Variants in NCKAP5 observed in about 807,000 individuals in gnomAD.
NCKAP5 encodes NCK associated protein 5.
NCKAP5 carries 92 observed loss-of-function variants against 167.0 expected under a neutral mutation model. That is an observed-to-expected ratio of 0.55 (90% CI 0.47 to 0.66). The LOEUF (loss-of-function observed/expected upper bound fraction) is 0.66. NCKAP5 is among the 30% of genes least tolerant of loss of function. NCKAP5 has a pLI of 0.00. For missense variants in NCKAP5, 2,378 were observed against 2,315.0 expected (o/e 1.03, Z -0.56); for synonymous variants, 891 against 877.4 (o/e 1.02, Z -0.27).
chr2:132,999,855 A>G lies in NCKAP5; in HGVS notation c.342-5616T>C, dbSNP rs1286666456. Among the ~76,000 whole-genome samples the G allele has an allele frequency of 2.0e-5, 3 of 152,332 alleles. No homozygotes were observed. In the East Asian group the frequency reaches 5.8e-4, roughly 29 times the overall value. The stretch of plus-strand genomic sequence containing the variant: ...ACCCCTATATTCAGTTATTTAGTTG[A>G]GACTAACTTCATTTTTGACAGAAAT... On this transcript the variant is annotated intron_variant, in intron 6 of 19. Coordinates refer to ENST00000409261, the MANE Select transcript of NCKAP5 (RefSeq NM_207363.3).
intron 3 of NCKAP5, among the ~76,000 whole-genome samples, chr2:133,417,564 G>A (rs1689199986): frequency 6.6e-6 from 1 of 152,214 alleles, no homozygotes; most frequent in South Asian, 2.1e-4. Context: ...CTAATCCAAG[G>A]GGTTGGGATG....
At chr2:132,907,998 G>T (rs755503782) in intron 8 of NCKAP5, among the ~76,000 whole-genome samples, 7 of 151,976 alleles carry the variant, frequency 4.6e-5, no homozygotes, top group Non-Finnish European at 1.0e-4. Context: ...ACCCAACAGA[G>T]ATTTATTTGG....
chr2:133,279,768 A>C (rs1439676803), intron 4 of NCKAP5, among the ~76,000 whole-genome samples: 1 of 152,236 alleles, frequency 6.6e-6, no homozygotes, highest in African/African-American at 2.4e-5. Context: ...AATGGAATGC[A>C]ACTAAATAGT....
At chr2:132,732,902 T>C (rs995544843) in intron 16 of NCKAP5, among the ~76,000 whole-genome samples, 1 of 152,186 alleles carries the variant, frequency 6.6e-6, no homozygotes, top group African/African-American at 2.4e-5. Flanking sequence ...ACACCACTTA[T>C]CATGTGGACT....
In NCKAP5 at chr2:132,844,116, T is replaced by C. The variant is rs1688493699; in HGVS notation, c.807+16376A>G. Among the ~76,000 whole-genome samples, 3 of 152,166 alleles carry C rather than the reference T, an allele frequency of 2.0e-5. No individual in the cohort carries two copies. The South Asian group carries it at 6.2e-4, about 32-fold the overall frequency. On this transcript the variant is annotated intron_variant, in intron 11 of 19. Coordinates refer to ENST00000409261, the MANE Select transcript of NCKAP5 (RefSeq NM_207363.3). ...GGATTTAGACTAACAGAATCTACCA[T>C]GAAATTATCTGCAAAACAAAAATAA...
the NCKAP5 span, among the ~76,000 whole-genome samples, chr2:133,646,811 T>C: frequency 8.5e-5 from 13 of 152,178 alleles, no homozygotes; most frequent in African/African-American, 2.9e-4. Flanking sequence ...GGAATAGTTA[T>C]ACATTGTGAC....
intron 2 of NCKAP5, among the ~76,000 whole-genome samples, chr2:133,548,992 T>A (rs1235030970): frequency 1.3e-5 from 2 of 151,738 alleles, no homozygotes; most frequent in East Asian, 1.9e-4. Context: ...CCATCTCACA[T>A]GCAGAGACAC....
intron 5 of NCKAP5, among the ~76,000 whole-genome samples, chr2:133,136,147 T>G (rs2082779539): frequency 6.6e-6 from 1 of 152,204 alleles, no homozygotes; most frequent in Non-Finnish European, 1.5e-5. Flanking sequence ...TTATTTTTTA[T>G]TCTCATTTCC....
In NCKAP5 at chr2:132,775,511, T is replaced by C. The variant is rs368183993; in HGVS notation, c.5050-1617A>G. 2.2e-4 allele frequency among the ~76,000 whole-genome samples: 33 copies of C among 152,338 alleles called. No individual in the cohort carries two copies. The South Asian group carries it at 6.6e-3, about 31-fold the overall frequency. On this transcript the variant is annotated intron_variant, in intron 15 of 19. Transcript: ENST00000409261. ...GCTGTCTAATCTGTGGGCATTTCCC[T>C]GTTTGTTAGCAGCTCCACAGAAAGA...
chr2:133,188,416 G>A (rs1204116380), intron 5 of NCKAP5, among the ~76,000 whole-genome samples: 1 of 151,950 alleles, frequency 6.6e-6, no homozygotes. Context: ...ACTGAACCCA[G>A]CTCTGCACCA....
intron 3 of NCKAP5, among the ~76,000 whole-genome samples, chr2:133,395,446 A>G (rs566437468): frequency 5.3e-5 from 8 of 152,236 alleles, no homozygotes; most frequent in Admixed American, 3.9e-4. Flanking sequence ...ACTGGTTACC[A>G]CTCGGCCTTA....
intron 3 of NCKAP5, among the ~76,000 whole-genome samples, chr2:133,445,559 T>C (rs181702532): frequency 3.9e-5 from 6 of 152,282 alleles, no homozygotes; most frequent in African/African-American, 1.2e-4. Flanking sequence ...AGACGTTTGG[T>C]TTGCAGGAAA....
the NCKAP5 span, among the ~76,000 whole-genome samples, chr2:133,610,702 T>A: frequency 5.0e-4 from 76 of 151,668 alleles, no homozygotes; most frequent in African/African-American, 1.7e-3. Flanking sequence ...ACACACACAC[T>A]CTCTCTCTCT....
intron 5 of NCKAP5, among the ~76,000 whole-genome samples, chr2:133,181,038 GGAAA>G (rs1459881844): frequency 1.3e-5 from 2 of 151,862 alleles, no homozygotes; most frequent in African/African-American, 2.4e-5. Context: ...GAACATCGGG[GGAAA>G]GAAAGAACAT....
At chr2:133,476,898 A>C (rs1679967628) in intron 3 of NCKAP5, among the ~76,000 whole-genome samples, 1 of 152,184 alleles carries the variant, frequency 6.6e-6, no homozygotes, top group African/African-American at 2.4e-5. Flanking sequence ...CTTTTCTTTC[A>C]GAACAGCTTC....
At chr2:133,404,773 C>A (rs1231974355) in intron 3 of NCKAP5, among the ~76,000 whole-genome samples, 1 of 152,182 alleles carries the variant, frequency 6.6e-6, no homozygotes, top group African/African-American at 2.4e-5. Flanking sequence ...TTGGGATATT[C>A]AGGTCTTTTC....
At chr2:132,830,808 A>G (rs1407717586) in intron 11 of NCKAP5, among the ~76,000 whole-genome samples, 2 of 152,238 alleles carry the variant, frequency 1.3e-5, no homozygotes, top group Admixed American at 6.5e-5. Flanking sequence ...AATTTTTAAA[A>G]ACTATACAAT....
intron 8 of NCKAP5, among the ~76,000 whole-genome samples, chr2:132,884,067 G>A (rs764077287): frequency 2.0e-5 from 3 of 152,134 alleles, no homozygotes; most frequent in African/African-American, 7.2e-5. Context: ...CTCAAACACT[G>A]TTTCTTCTTC....
At chr2:132,927,859 T>C (rs534922066) in intron 8 of NCKAP5, among the ~76,000 whole-genome samples, 1 of 152,290 alleles carries the variant, frequency 6.6e-6, no homozygotes, top group Non-Finnish European at 1.5e-5. Context: ...GCAAAGGGGT[T>C]CACCAAGATA....
Sources: gnomAD v4.1 joint callset for allele counts (sites outside exome capture counted in the v4.1 genomes callset) on GRCh38, gnomAD v4.1.1 for gene constraint, MANE v1.5 for transcripts, NCBI Gene and HGNC (gene_info 2026-07-23, HGNC 2026-07-21) for gene names.